IFNAR2: variants seen among roughly 807,000 people sequenced by gnomAD.
IFNAR2 encodes interferon alpha and beta receptor subunit 2.
In IFNAR2, 30 loss-of-function variants were observed where a neutral mutation model predicts 49.4. The observed-to-expected ratio is 0.61, with a 90% CI of 0.45 to 0.82. The LOEUF (loss-of-function observed/expected upper bound fraction) is 0.82, where lower values mean the gene tolerates loss of function less well. IFNAR2 is among the 40% of genes least tolerant of loss of function. IFNAR2 has a pLI of 0.00. For synonymous variants in IFNAR2, 224 were observed against 234.5 expected (o/e 0.96, Z 0.41); for missense variants, 600 against 622.7 (o/e 0.96, Z 0.39).
chr21:33,247,006 C>A, intron 5 of IFNAR2, 116 bp downstream of exon 5: 1 of 763,394 alleles, frequency 1.3e-6, no homozygotes, highest in Non-Finnish European at 2.1e-6. Flanking sequence ...GGGCTCACCT[C>A]TTGGCCCTGC....
chr21:33,259,023 G>T (rs567430180), intron 7 of IFNAR2, among the ~76,000 whole-genome samples: 1 of 152,068 alleles, frequency 6.6e-6, no homozygotes, highest in African/African-American at 2.4e-5. Context: ...GTTAGTCATC[G>T]CCAGTCTTTT....
chr21:33,262,816 G>T lies in IFNAR2; in HGVS notation c.864G>T (p.Trp288Cys). The T allele has an allele frequency of 6.3e-7, 1 of 1,598,608 alleles. No homozygotes were observed. Among genetic ancestry groups the T allele is most frequent in the Non-Finnish European group, 8.5e-7 (1 of 1,173,798 alleles). ...AGAATTTTCATAACTTTTTAGCCTGGCCATTTCCTAACCTGCCACCGTTGG... is the reference window on the plus strand; with the variant it reads ...AGAATTTTCATAACTTTTTAGCCTGTCCATTTCCTAACCTGCCACCGTTGG... ...KVLNFHNFLAWPFPNLPPLEA... is the reference protein window; with the variant it reads ...KVLNFHNFLACPFPNLPPLEA... The change falls in exon 9 of 9, where the codon TGG becomes TGT. Residue 288 changes from tryptophan to cysteine, a missense_variant. Coordinates refer to ENST00000342136, the MANE Select transcript of IFNAR2 (RefSeq NM_001289125.3).
chr21:33,236,779 AG>A, intron 1 of IFNAR2: 1 of 984,506 alleles, frequency 1.0e-6, no homozygotes, highest in Non-Finnish European at 1.2e-6. Flanking sequence ...AAAATGGTTA[AG>A]AATTTCAGGA....
At position 33,230,350 on chromosome 21, in the gene IFNAR2, C is replaced by T. The variant is rs879665943; in HGVS notation, c.-84+134C>T. 1.4e-5 allele frequency: 10 copies of T among 732,570 alleles called. No homozygotes were observed. Among genetic ancestry groups the T allele is most frequent in the Non-Finnish European group, 1.7e-5 (9 of 534,340 alleles). The allele number at this position is 732,570 out of a possible 1,614,324, so 45.4% of individuals were successfully genotyped here. A position where few individuals can be genotyped will look rare whatever the true frequency, so the allele number is the denominator to read the frequency against. ...CTCTCCCCGACTCCTCCTCCTCCTC[C>T]TGCCCTCCCTCTGCGTCTTGAGTAT... On this transcript the variant is annotated intron_variant, in intron 1 of 8. Transcript: ENST00000342136. This position sits in a 1 kb window ranked among gnomAD's most constrained non-coding sequence, Gnocchi z 5.5.
At position 33,263,166 on chromosome 21, in the gene IFNAR2, C is replaced by T; in HGVS notation, c.1214C>T (p.Pro405Leu). The change falls in exon 9 of 9, where the codon CCT becomes CTT. Residue 405 changes from proline to leucine, a missense_variant. Coordinates refer to ENST00000342136, the MANE Select transcript of IFNAR2 (RefSeq NM_001289125.3). The stretch of plus-strand genomic sequence containing the variant: ...AGGAGAAAGAGTCCACTCCAGGACC[C>T]TTTTCCCGAAGAGGACTACAGCTCC... ...CERRKSPLQD[P>L]FPEEDYSSTE... The T allele has an allele frequency of 6.2e-7, 1 of 1,614,194 alleles. No individual in the cohort carries two copies.
At chr21:33,253,158 G>A (rs1000666388) in intron 7 of IFNAR2, among the ~76,000 whole-genome samples, 2 of 152,192 alleles carry the variant, frequency 1.3e-5, no homozygotes, top group African/African-American at 4.8e-5. Context: ...CAGAAGAGGT[G>A]GAGTTGCTTG....
At chr21:33,248,933 A>G (rs1987644779) in intron 6 of IFNAR2, 79 bp downstream of exon 6, 2 of 1,061,046 alleles carry the variant, frequency 1.9e-6, no homozygotes, top group Admixed American at 5.2e-5. Flanking sequence ...TTGAAAGGAA[A>G]TTTGCAGTTG....
chr21:33,231,190 C>T (rs1222612781), intron 1 of IFNAR2, among the ~76,000 whole-genome samples: 1 of 152,082 alleles, frequency 6.6e-6, no homozygotes, highest in Non-Finnish European at 1.5e-5. Flanking sequence ...GTATCCTGTC[C>T]ACCCACCCCC....
chr21:33,237,418 C>T (rs970928052), intron 1 of IFNAR2, among the ~76,000 whole-genome samples: 2 of 151,980 alleles, frequency 1.3e-5, no homozygotes, highest in Admixed American at 1.3e-4. Flanking sequence ...GCCTGTAGTC[C>T]CAGCTACTTG....
chr21:33,264,746 T>G lies in IFNAR2; in HGVS notation c.*1246T>G, dbSNP rs919790886. 1 of 152,234 alleles carries G rather than the reference T, an allele frequency of 6.6e-6. No homozygotes were observed. The highest frequency in any genetic ancestry group is 1.9e-4 in the East Asian group (1 of 5,198). The allele number at this position is 152,234 out of a possible 1,614,324, so 9.4% of individuals were successfully genotyped here. The stretch of plus-strand genomic sequence containing the variant: ...GCTCCTGCCGGTAACCCCAGCACTT[T>G]GGGATGCCTAAACAGGCGTATCGCT... On this transcript the variant is annotated 3_prime_UTR_variant, in exon 9 of 9. Transcript: ENST00000342136.
chr21:33,252,378 A>G, intron 6 of IFNAR2: 2 of 1,037,634 alleles, frequency 1.9e-6, no homozygotes, highest in Non-Finnish European at 2.5e-6. Flanking sequence ...CGTCACAGAG[A>G]CTTTTATTCC....
At chr21:33,259,303 A>G (rs1601816813) in intron 7 of IFNAR2, among the ~76,000 whole-genome samples, 2 of 152,290 alleles carry the variant, frequency 1.3e-5, no homozygotes, top group Non-Finnish European at 2.9e-5. Context: ...TTTCTGAGTC[A>G]GAACATTGAT....
chr21:33,257,946 C>A (rs1304701605), intron 7 of IFNAR2, among the ~76,000 whole-genome samples: 1 of 152,182 alleles, frequency 6.6e-6, no homozygotes, highest in Non-Finnish European at 1.5e-5. Flanking sequence ...AAGATGTCTA[C>A]ATCCTAATCC....
intron 7 of IFNAR2, 65 bp downstream of exon 7, chr21:33,252,895 TTAAAG>T (rs749883563): frequency 3.1e-6 from 4 of 1,274,716 alleles, no homozygotes; most frequent in Non-Finnish European, 4.6e-6. Flanking sequence ...GCAAGCCTAT[TTAAAG>T]AAAAGAATCT....
At chr21:33,247,391 A>G (rs1485266189) in intron 5 of IFNAR2, among the ~76,000 whole-genome samples, 1 of 151,512 alleles carries the variant, frequency 6.6e-6, no homozygotes, top group Non-Finnish European at 1.5e-5. Flanking sequence ...AGCTGGGATT[A>G]CAAGCACACA....
At chr21:33,259,580 A>T (rs562754013) in intron 7 of IFNAR2, among the ~76,000 whole-genome samples, 1 of 152,230 alleles carries the variant, frequency 6.6e-6, no homozygotes, top group South Asian at 2.1e-4. Context: ...TACATGAGTC[A>T]CAATCTCTGT....
intron 8 of IFNAR2, among the ~76,000 whole-genome samples, chr21:33,262,198 C>G (rs1029927234): frequency 1.3e-5 from 2 of 151,996 alleles, no homozygotes; most frequent in African/African-American, 4.8e-5. Context: ...AACCCCTTCT[C>G]TACTAAAAAT....
chr21:33,246,944 T>TTTGC, intron 5 of IFNAR2, 54 bp downstream of exon 5: 1 of 1,487,656 alleles, frequency 6.7e-7, no homozygotes, highest in Non-Finnish European at 9.3e-7. Flanking sequence ...ATCTTTATTA[T>TTTGC]TTGCTATTCC....
chr21:33,231,147 G>C (rs1255260882), intron 1 of IFNAR2, among the ~76,000 whole-genome samples: 1 of 152,052 alleles, frequency 6.6e-6, no homozygotes, highest in Non-Finnish European at 1.5e-5. Context: ...ACTGGCCCAG[G>C]GGCTAAGTCC....
Sources: allele counts gnomAD v4.1 joint callset (sites outside exome capture counted in the v4.1 genomes callset), GRCh38; gene constraint gnomAD v4.1.1; non-coding constraint Gnocchi (gnomAD v3.1); transcripts MANE v1.5; gene names NCBI Gene and HGNC (gene_info 2026-07-23, HGNC 2026-07-21).